The following TLL2 variants were observed in gnomAD, a reference collection of about 807,000 sequenced individuals.
TLL2 encodes the protein tolloid like 2.
TLL2 carries 106 observed loss-of-function variants against 123.0 expected under a neutral mutation model. That is an observed-to-expected ratio of 0.86 (90% CI 0.74 to 1.01). The LOEUF (loss-of-function observed/expected upper bound fraction) is 1.01, where lower values mean the gene tolerates loss of function less well. Ranked by LOEUF, TLL2 falls within the 50% of genes least tolerant of loss-of-function variation. The probability of loss-of-function intolerance (pLI) is 0.00; values close to 1 mark genes in which losing one functional copy is unlikely to be tolerated. For missense variants in TLL2, 1,332 were observed against 1,336.7 expected (o/e 1.00, Z 0.06); for synonymous variants, 494 against 516.8 (o/e 0.96, Z 0.60).
At chr10:96,471,268 G>T (rs977991113) in intron 2 of TLL2, among the ~76,000 whole-genome samples, 4 of 152,124 alleles carry the variant, frequency 2.6e-5, no homozygotes, top group Non-Finnish European at 5.9e-5. Flanking sequence ...GCCTCCTAAA[G>T]TGCTGGGATT....
chr10:96,466,363 T>A (rs550076397), intron 2 of TLL2, among the ~76,000 whole-genome samples: 7 of 152,324 alleles, frequency 4.6e-5, no homozygotes, highest in African/African-American at 4.8e-5. Flanking sequence ...TCTCTGGATC[T>A]CCTTGGAAAC....
intron 2 of TLL2, among the ~76,000 whole-genome samples, chr10:96,450,575 C>T (rs1223640655): frequency 6.6e-6 from 1 of 152,204 alleles, no homozygotes; most frequent in Non-Finnish European, 1.5e-5. Flanking sequence ...CTCCTGAGCT[C>T]ACCAGGAACG....
At chr10:96,513,083 A>C (rs1233077499) in intron 1 of TLL2, among the ~76,000 whole-genome samples, 1 of 152,164 alleles carries the variant, frequency 6.6e-6, no homozygotes, top group African/African-American at 2.4e-5. Flanking sequence ...TTTGCGCGAA[A>C]CTTAAAAATG....
intron 9 of TLL2, among the ~76,000 whole-genome samples, chr10:96,407,379 G>T (rs978180271): frequency 4.6e-5 from 7 of 152,088 alleles, no homozygotes; most frequent in Non-Finnish European, 2.9e-5. Context: ...GGTGTCTTTA[G>T]ATCTACCTAG....
At chr10:96,411,812 G>A (rs1383408735) in intron 8 of TLL2, among the ~76,000 whole-genome samples, 1 of 152,196 alleles carries the variant, frequency 6.6e-6, no homozygotes, top group Non-Finnish European at 1.5e-5. Context: ...GCTGCAGGAA[G>A]GGATATGTGG....
intron 10 of TLL2, 117 bp downstream of exon 10, chr10:96,405,115 G>T: frequency 2.2e-6 from 2 of 897,372 alleles, no homozygotes; most frequent in Non-Finnish European, 3.6e-6. Context: ...GTTTTACAAT[G>T]ACAGAGGCCC....
intron 2 of TLL2, among the ~76,000 whole-genome samples, chr10:96,473,739 T>G (rs1035934347): frequency 7.9e-5 from 12 of 152,186 alleles, no homozygotes; most frequent in Admixed American, 4.6e-4. Flanking sequence ...AAGTCCTCAT[T>G]ACAAACATCA....
chr10:96,389,340 C>T (rs1289061000), intron 13 of TLL2, among the ~76,000 whole-genome samples: 1 of 152,210 alleles, frequency 6.6e-6, no homozygotes, highest in African/African-American at 2.4e-5. Flanking sequence ...TCATGATAGA[C>T]AGCAGCAGAG....
chr10:96,496,704 C>T (rs916676138), intron 1 of TLL2, among the ~76,000 whole-genome samples: 2 of 152,222 alleles, frequency 1.3e-5, no homozygotes, highest in Admixed American at 1.3e-4. Flanking sequence ...ACAAACACAC[C>T]TGCTCAGCTA....
At chr10:96,469,678 C>G (rs904016281) in intron 2 of TLL2, among the ~76,000 whole-genome samples, 2 of 100,048 alleles carry the variant, frequency 2.0e-5, no homozygotes, top group East Asian at 7.6e-4. Flanking sequence ...ACCCATTCCT[C>G]CAGTGCTCCC....
chr10:96,488,929 C>T (rs555205977), intron 1 of TLL2, among the ~76,000 whole-genome samples: 1 of 152,342 alleles, frequency 6.6e-6, no homozygotes, highest in African/African-American at 2.4e-5. Flanking sequence ...GGAACCTAGA[C>T]TCCTGACACA....
intron 2 of TLL2, 75 bp downstream of exon 2, chr10:96,480,274 G>C: frequency 8.1e-7 from 1 of 1,231,470 alleles, no homozygotes; most frequent in Non-Finnish European, 1.2e-6. Flanking sequence ...CCGATGACTC[G>C]TGGACCACAT....
rs766592441 is a variant in TLL2, at chr10:96,370,055, C to G, written c.2913+10G>C. On this transcript the variant is annotated intron_variant, in intron 20 of 20. Coordinates refer to ENST00000357947, the MANE Select transcript of TLL2 (RefSeq NM_012465.4). The stretch of plus-strand genomic sequence containing the variant: ...CACTCTGCCCCGGCCCCAGCGTCTC[C>G]GGGACTTACCCCAGAGCCACAGAAG... 4 of 1,570,358 alleles carry G rather than the reference C, an allele frequency of 2.5e-6. No individual in the cohort carries two copies. The East Asian group carries it at 9.1e-5, about 36-fold the overall frequency.
rs150094135 is a variant in TLL2 at position 96,489,004 on chromosome 10, G to T, written c.176-8545C>A. Among the ~76,000 whole-genome samples the T allele has an allele frequency of 2.1e-3, 319 of 152,340 alleles. 4 individuals are homozygous for T. Among genetic ancestry groups the T allele is most frequent in the African/African-American group, 7.4e-3 (307 of 41,570 alleles). ...TGTGTGTCTTCAGAGAGAAGAGCAG[G>T]GCACTAAGGGGTAAGTTCAAAACCA... On this transcript the variant is annotated intron_variant, in intron 1 of 20. Coordinates refer to ENST00000357947, the MANE Select transcript of TLL2 (RefSeq NM_012465.4).
chr10:96,492,983 G>A (rs1010246288), intron 1 of TLL2, among the ~76,000 whole-genome samples: 12 of 152,174 alleles, frequency 7.9e-5, no homozygotes, highest in Admixed American at 3.3e-4. Context: ...CTTCCATCAC[G>A]TCCCCATTGA....
At chr10:96,370,994 C>T (rs892527453) in intron 19 of TLL2, among the ~76,000 whole-genome samples, 6 of 152,136 alleles carry the variant, frequency 3.9e-5, no homozygotes, top group South Asian at 2.1e-4. Context: ...ATATATAGTA[C>T]CTTGTGTCTT....
chr10:96,372,905 G>T (rs563109885), intron 19 of TLL2, among the ~76,000 whole-genome samples: 1 of 152,110 alleles, frequency 6.6e-6, no homozygotes, highest in Non-Finnish European at 1.5e-5. Flanking sequence ...GCCCTGGCAG[G>T]TCTTGAACTC....
chr10:96,371,113 G>C (rs933661201), intron 19 of TLL2, among the ~76,000 whole-genome samples: 1 of 152,170 alleles, frequency 6.6e-6, no homozygotes, highest in Non-Finnish European at 1.5e-5. Flanking sequence ...CTTGAGGTCA[G>C]GAGTTTGCGA....
intron 19 of TLL2, 29 bp downstream of exon 19, chr10:96,373,567 G>C (rs1215870464): frequency 6.2e-7 from 1 of 1,604,074 alleles, no homozygotes; most frequent in Non-Finnish European, 8.5e-7. Context: ...GTGCTCATCA[G>C]GTGGAAGCCA....
Sources: allele counts gnomAD v4.1 joint callset (sites outside exome capture counted in the v4.1 genomes callset), GRCh38; gene constraint gnomAD v4.1.1; transcripts MANE v1.5; gene names NCBI Gene and HGNC (gene_info 2026-07-23, HGNC 2026-07-21).